TRPM8: variants seen among roughly 807,000 people sequenced by gnomAD.
The protein encoded by TRPM8 is transient receptor potential cation channel subfamily M member 8.
A neutral mutation model predicts 133.7 loss-of-function variants in TRPM8; 110 were observed. That is an observed-to-expected ratio of 0.82 (90% CI 0.70 to 0.96). The LOEUF is 0.96. Among genes scored for constraint, TRPM8 ranks in the 40% least tolerant of loss-of-function variants. TRPM8 has a pLI of 0.00. For missense variants in TRPM8, 1,291 were observed against 1,379.5 expected (o/e 0.94, Z 1.02); for synonymous variants, 535 against 532.3 (o/e 1.01, Z -0.07).
intron 17 of TRPM8, among the ~76,000 whole-genome samples, chr2:233,976,607 G>T (rs1277024129): frequency 6.6e-6 from 1 of 152,072 alleles, no homozygotes; most frequent in Non-Finnish European, 1.5e-5. Flanking sequence ...GGTGATGCTG[G>T]CTATGGGGGG....
intron 24 of TRPM8, among the ~76,000 whole-genome samples, chr2:234,012,454 AG>A (rs1692863192): frequency 6.9e-6 from 1 of 145,382 alleles, no homozygotes; most frequent in Non-Finnish European, 1.5e-5. Flanking sequence ...CAGTCCTAAC[AG>A]TTTTTTTTTG....
intron 21 of TRPM8, among the ~76,000 whole-genome samples, chr2:233,987,288 A>G (rs183641967): frequency 6.6e-6 from 1 of 152,388 alleles, no homozygotes; most frequent in East Asian, 1.9e-4. Context: ...ACAAATTGCA[A>G]ATTAATTTTA....
At chr2:234,014,678 A>G in intron 25 of TRPM8, 24 bp downstream of exon 25, 1 of 870,404 alleles carries the variant, frequency 1.1e-6, no homozygotes, top group Non-Finnish European at 1.7e-6. Flanking sequence ...ATAGCTTTTT[A>G]CTTTGCTCTG....
At chr2:234,008,262 T>C (rs1313633323) in intron 24 of TRPM8, among the ~76,000 whole-genome samples, 159 bp downstream of exon 24, 1 of 152,228 alleles carries the variant, frequency 6.6e-6, no homozygotes, top group African/African-American at 2.4e-5. Flanking sequence ...TTGCTTCTCA[T>C]GCTCTAAGCA....
At chr2:233,968,138 A>G (rs867252315) in intron 15 of TRPM8, 1 of 152,222 alleles carries the variant, frequency 6.6e-6, no homozygotes, top group African/African-American at 2.4e-5. Flanking sequence ...GGTGATGCTC[A>G]GTGATGGCCT....
chr2:233,933,683 A>G (rs17868384), intron 3 of TRPM8: 12,424 of 152,672 alleles, frequency 0.081, 627 homozygotes, highest in Middle Eastern at 0.15. Context: ...AGCAGGGAAA[A>G]GGGCCCAACA....
intron 11 of TRPM8, among the ~76,000 whole-genome samples, chr2:233,955,895 C>T (rs1574721440): frequency 6.6e-6 from 1 of 152,112 alleles, no homozygotes. Flanking sequence ...CGATCAGTGG[C>T]GGTATTCGAT....
At chr2:233,974,484 G>A (rs1034952463) in intron 17 of TRPM8, among the ~76,000 whole-genome samples, 3 of 152,076 alleles carry the variant, frequency 2.0e-5, no homozygotes, top group Non-Finnish European at 4.4e-5. Flanking sequence ...CACCCACCTC[G>A]GCCTCCCAAA....
At chr2:233,945,143 A>G (rs956794793) in intron 6 of TRPM8, among the ~76,000 whole-genome samples, 12 of 152,172 alleles carry the variant, frequency 7.9e-5, no homozygotes, top group African/African-American at 2.9e-4. Context: ...AACTTATTAA[A>G]TTCTATGTTT....
intron 17 of TRPM8, among the ~76,000 whole-genome samples, chr2:233,972,635 G>C (rs986978997): frequency 2.0e-5 from 3 of 152,236 alleles, no homozygotes; most frequent in Non-Finnish European, 2.9e-5. Context: ...GCTACGGCCC[G>C]GTGAGAAATT....
chr2:234,016,763 G>A (rs1046336606), intron 25 of TRPM8, among the ~76,000 whole-genome samples: 13 of 152,078 alleles, frequency 8.5e-5, no homozygotes, highest in African/African-American at 3.1e-4. Flanking sequence ...TTATACTTCA[G>A]CAGTGGGCAC....
At chr2:234,017,121 A>T (rs1692973887) in intron 25 of TRPM8, among the ~76,000 whole-genome samples, 178 bp from the exon 26 acceptor site, 1 of 149,718 alleles carries the variant, frequency 6.7e-6, no homozygotes, top group Admixed American at 6.6e-5. Context: ...ACACATCTTT[A>T]AGAGAAAAAA....
intron 25 of TRPM8, among the ~76,000 whole-genome samples, chr2:234,014,920 C>A (rs1692923070): frequency 6.6e-6 from 1 of 152,144 alleles, no homozygotes; most frequent in Non-Finnish European, 1.5e-5. Flanking sequence ...CCTGTAGGAC[C>A]TTTTAAAACA....
chr2:233,948,507 A>C (rs1691097480), intron 8 of TRPM8, among the ~76,000 whole-genome samples: 1 of 152,250 alleles, frequency 6.6e-6, no homozygotes, highest in Non-Finnish European at 1.5e-5. Context: ...GCCACATCAA[A>C]GAGGAAGAGG....
intron 17 of TRPM8, among the ~76,000 whole-genome samples, chr2:233,972,493 A>T (rs1257100179): frequency 6.6e-6 from 1 of 152,176 alleles, no homozygotes; most frequent in African/African-American, 2.4e-5. Flanking sequence ...TGGGTGGTCG[A>T]TGGGACTGGG....
chr2:233,997,840 G>A (rs1692448620), intron 22 of TRPM8, among the ~76,000 whole-genome samples: 2 of 152,062 alleles, frequency 1.3e-5, no homozygotes, highest in African/African-American at 4.8e-5. Flanking sequence ...TCCCCACCCA[G>A]CCACCACTCC....
At chr2:233,947,480 T>C in intron 8 of TRPM8, 3 of 1,340,200 alleles carry the variant, frequency 2.2e-6, no homozygotes, top group Non-Finnish European at 3.0e-6. Flanking sequence ...ATGGCCAACC[T>C]ATCTGCATTG....
chr2:233,967,468 A>C (rs1691604826), intron 15 of TRPM8, among the ~76,000 whole-genome samples: 1 of 152,172 alleles, frequency 6.6e-6, no homozygotes. Context: ...TCTTCACAGC[A>C]CCTGTGGGGA....
chr2:233,955,307 C>T (rs1691267305), intron 11 of TRPM8, 57 bp downstream of exon 11: 1 of 1,297,096 alleles, frequency 7.7e-7, no homozygotes, highest in Non-Finnish European at 1.1e-6. Flanking sequence ...GTGGTCTGGG[C>T]AATGTCTGAT....
Sources: allele counts gnomAD v4.1 joint callset (sites outside exome capture counted in the v4.1 genomes callset), GRCh38; gene constraint gnomAD v4.1.1; transcripts MANE v1.5; gene names NCBI Gene and HGNC (gene_info 2026-07-23, HGNC 2026-07-21).